The following LHFPL6 variants were observed in gnomAD, a reference collection of about 807,000 sequenced individuals.
The protein encoded by LHFPL6 is LHFPL tetraspan subfamily member 6, also known as LHFPL tetraspan subfamily member 6 protein.
LHFPL6 carries 9 observed loss-of-function variants against 20.6 expected under a neutral mutation model. The ratio of observed to expected loss-of-function variants is 0.44; its 90% CI spans 0.26 to 0.76. The LOEUF (loss-of-function observed/expected upper bound fraction) is 0.76, where lower values mean the gene tolerates loss of function less well. Among genes scored for constraint, LHFPL6 ranks in the 30% least tolerant of loss-of-function variants. LHFPL6 has a pLI of 0.20. For synonymous variants in LHFPL6, 105 were observed against 98.7 expected (o/e 1.06, Z -0.38); for missense variants, 218 against 253.5 (o/e 0.86, Z 0.95).
chr13:39,549,938 A>G (rs1221911660), intron 2 of LHFPL6, among the ~76,000 whole-genome samples: 1 of 152,098 alleles, frequency 6.6e-6, no homozygotes, highest in African/African-American at 2.4e-5. Flanking sequence ...CATTAGACAC[A>G]GAAAGTAGAT....
chr13:39,379,433 C>T (rs1870381599), intron 2 of LHFPL6, among the ~76,000 whole-genome samples: 2 of 152,132 alleles, frequency 1.3e-5, no homozygotes, highest in Admixed American at 1.3e-4. Flanking sequence ...GATACATAGT[C>T]TAATGTTGGG....
At chr13:39,550,502 A>G (rs904747993) in intron 2 of LHFPL6, among the ~76,000 whole-genome samples, 1 of 152,162 alleles carries the variant, frequency 6.6e-6, no homozygotes, top group Non-Finnish European at 1.5e-5. Context: ...TATTGGAGTG[A>G]TAAGACTATT....
rs566344928 is a variant in LHFPL6 at position 39,578,829 on chromosome 13, G to A, written c.385+22003C>T. On this transcript the variant is annotated intron_variant, in intron 2 of 3. Coordinates refer to ENST00000379589, the MANE Select transcript of LHFPL6 (RefSeq NM_005780.3). ...AAGTTTCCCAGGAGCTCAGGAAAGA[G>A]AAGATTCCCTCCAGCTGGGCAATCA... 3.1e-4 allele frequency among the ~76,000 whole-genome samples: 47 copies of A among 152,316 alleles called. 1 individual carries two copies. In the Middle Eastern group the frequency reaches 0.017, roughly 55 times the overall value.
intron 3 of LHFPL6, among the ~76,000 whole-genome samples, chr13:39,362,501 T>C (rs1869899700): frequency 6.6e-6 from 1 of 152,242 alleles, no homozygotes; most frequent in Non-Finnish European, 1.5e-5. Context: ...TGTATATGTA[T>C]AAGTATACAC....
chr13:39,467,250 G>T (rs914516179), intron 2 of LHFPL6, among the ~76,000 whole-genome samples: 1 of 151,944 alleles, frequency 6.6e-6, no homozygotes, highest in Non-Finnish European at 1.5e-5. Flanking sequence ...TGGGTGCCAC[G>T]TCTTATTTGT....
chr13:39,544,872 A>G (rs1243729526), intron 2 of LHFPL6, among the ~76,000 whole-genome samples: 1 of 152,058 alleles, frequency 6.6e-6, no homozygotes, highest in Non-Finnish European at 1.5e-5. Flanking sequence ...GTTATTTAAT[A>G]AATAACACCA....
intron 2 of LHFPL6, among the ~76,000 whole-genome samples, chr13:39,528,191 C>T (rs979388812): frequency 5.3e-5 from 8 of 152,132 alleles, no homozygotes; most frequent in Admixed American, 2.6e-4. Context: ...TGGATCTCAG[C>T]GCCCAGGCCA....
At chr13:39,509,960 C>T (rs114144222) in intron 2 of LHFPL6, among the ~76,000 whole-genome samples, 3,496 of 152,208 alleles carry the variant, frequency 0.023, 140 homozygotes, top group African/African-American at 0.08. Context: ...AATAAAAATA[C>T]TACAACTGGC....
At chr13:39,498,255 C>T (rs960597006) in intron 2 of LHFPL6, among the ~76,000 whole-genome samples, 3 of 152,188 alleles carry the variant, frequency 2.0e-5, no homozygotes, top group African/African-American at 7.2e-5. Context: ...CGGACTTACC[C>T]CATGCCCAAC....
At chr13:39,364,773 G>C (rs577510264) in intron 3 of LHFPL6, among the ~76,000 whole-genome samples, 5 of 152,144 alleles carry the variant, frequency 3.3e-5, no homozygotes, top group Admixed American at 6.5e-5. Context: ...CCACCCAATA[G>C]TTTTCTTAAC....
At chr13:39,457,173 A>G (rs538950497) in intron 2 of LHFPL6, among the ~76,000 whole-genome samples, 202 of 152,362 alleles carry the variant, frequency 1.3e-3, no homozygotes, top group Middle Eastern at 6.8e-3. Flanking sequence ...GAAAAATCTT[A>G]TATTTGAAAA....
chr13:39,594,883 C>T (rs953344112), intron 2 of LHFPL6, among the ~76,000 whole-genome samples: 61 of 152,158 alleles, frequency 4.0e-4, no homozygotes, highest in Middle Eastern at 6.8e-3. Context: ...AACCAAACAC[C>T]GCATGTTCTC....
chr13:39,459,797 T>C (rs1257607648), intron 2 of LHFPL6, among the ~76,000 whole-genome samples: 1 of 152,166 alleles, frequency 6.6e-6, no homozygotes, highest in Non-Finnish European at 1.5e-5. Flanking sequence ...TAATCATTTG[T>C]GGCAACAACA....
At chr13:39,403,036 C>T (rs536928189) in intron 2 of LHFPL6, among the ~76,000 whole-genome samples, 1 of 152,308 alleles carries the variant, frequency 6.6e-6, no homozygotes, top group Admixed American at 6.5e-5. Context: ...AAGGAATTCC[C>T]TCAACGGGAC....
chr13:39,409,081 G>A (rs1411338235), intron 2 of LHFPL6, among the ~76,000 whole-genome samples: 1 of 152,232 alleles, frequency 6.6e-6, no homozygotes, highest in Non-Finnish European at 1.5e-5. Flanking sequence ...CTAAATCTAT[G>A]CGCCAAATGC....
intron 2 of LHFPL6, among the ~76,000 whole-genome samples, chr13:39,512,980 C>T (rs767041827): frequency 9.2e-5 from 14 of 152,256 alleles, no homozygotes; most frequent in Non-Finnish European, 1.9e-4. Flanking sequence ...CTGATGACCA[C>T]GCTGTCCTGG....
intron 2 of LHFPL6, among the ~76,000 whole-genome samples, chr13:39,496,926 G>A (rs1184198963): frequency 6.6e-6 from 1 of 152,148 alleles, no homozygotes; most frequent in African/African-American, 2.4e-5. Flanking sequence ...CTGATGTGCA[G>A]GCTGCAGGTG....
intron 2 of LHFPL6, among the ~76,000 whole-genome samples, chr13:39,581,407 T>A (rs373607584): frequency 6.6e-6 from 1 of 152,076 alleles, no homozygotes. Context: ...GACAGCCAAA[T>A]TGAATTTTAA....
intron 2 of LHFPL6, among the ~76,000 whole-genome samples, chr13:39,557,438 G>T (rs1326783114): frequency 6.6e-6 from 1 of 152,238 alleles, no homozygotes; most frequent in African/African-American, 2.4e-5. Context: ...AGAGCCTGCT[G>T]CACAGCCTCT....
Sources: gnomAD v4.1 joint callset for allele counts (sites outside exome capture counted in the v4.1 genomes callset) on GRCh38, gnomAD v4.1.1 for gene constraint, MANE v1.5 for transcripts, NCBI Gene and HGNC (gene_info 2026-07-23, HGNC 2026-07-21) for gene names.